SHISA9: variants seen among roughly 807,000 people sequenced by gnomAD.
SHISA9 encodes protein shisa-9.
In SHISA9, 13 loss-of-function variants were observed where a neutral mutation model predicts 38.0. That is an observed-to-expected ratio of 0.34 (90% CI 0.22 to 0.54). The LOEUF (loss-of-function observed/expected upper bound fraction) is 0.54. SHISA9 is among the 20% of genes least tolerant of loss of function. The pLI, the probability that SHISA9 is intolerant of heterozygous loss-of-function variation, is 0.91. For missense variants in SHISA9, 538 were observed against 575.8 expected (o/e 0.93, Z 0.67); for synonymous variants, 275 against 242.0 (o/e 1.14, Z -1.27).
the SHISA9 span, among the ~76,000 whole-genome samples, chr16:13,281,659 A>G: frequency 1.3e-5 from 2 of 148,592 alleles, no homozygotes; most frequent in East Asian, 4.0e-4. Flanking sequence ...TTTTTCTAAG[A>G]TTTTCAGTGA....
chr16:13,175,352 G>T (rs1223182750), intron 2 of SHISA9, among the ~76,000 whole-genome samples: 7 of 152,200 alleles, frequency 4.6e-5, no homozygotes, highest in Admixed American at 2.0e-4. Flanking sequence ...GCAACAGAAT[G>T]AGACTCCCTC....
At chr16:13,161,272 G>A (rs1455323909) in intron 2 of SHISA9, among the ~76,000 whole-genome samples, 2 of 152,176 alleles carry the variant, frequency 1.3e-5, no homozygotes, top group South Asian at 2.1e-4. Flanking sequence ...TTGATGGGTC[G>A]CTCTGTGGTG....
the SHISA9 span, among the ~76,000 whole-genome samples, chr16:13,286,660 T>C: frequency 6.6e-6 from 1 of 152,188 alleles, no homozygotes; most frequent in East Asian, 1.9e-4. Context: ...TGTTTGTTTA[T>C]CACTAGAGGA....
the SHISA9 span, among the ~76,000 whole-genome samples, chr16:13,538,805 C>T: frequency 2.0e-5 from 3 of 152,164 alleles, no homozygotes; most frequent in East Asian, 5.8e-4. Context: ...GGCATCAATT[C>T]TCTCCCCTTG....
chr16:13,276,464 T>C, the SHISA9 span, among the ~76,000 whole-genome samples: 1 of 152,150 alleles, frequency 6.6e-6, no homozygotes, highest in Non-Finnish European at 1.5e-5. Flanking sequence ...ATGGTAATTC[T>C]ACTTTCAGTT....
At chr16:13,232,148 A>G (rs2051337418) in intron 4 of SHISA9, among the ~76,000 whole-genome samples, 1 of 152,212 alleles carries the variant, frequency 6.6e-6, no homozygotes, top group Non-Finnish European at 1.5e-5. Context: ...CCTTTATGTA[A>G]GTTCACATGT....
At chr16:13,032,443 C>G (rs2073003139) in intron 2 of SHISA9, among the ~76,000 whole-genome samples, 1 of 152,150 alleles carries the variant, frequency 6.6e-6, no homozygotes, top group Non-Finnish European at 1.5e-5. Flanking sequence ...CAACTTTCAA[C>G]ATTTTTATGT....
At chr16:13,094,461 T>TAA (rs138180155) in intron 2 of SHISA9, among the ~76,000 whole-genome samples, 8 of 149,922 alleles carry the variant, frequency 5.3e-5, no homozygotes, top group Admixed American at 4.6e-4. Context: ...TAGGCAAAAA[T>TAA]AAAAAAAAAA....
the SHISA9 span, among the ~76,000 whole-genome samples, chr16:13,430,876 G>A: frequency 6.0e-5 from 9 of 149,696 alleles, no homozygotes; most frequent in South Asian, 1.9e-3. Flanking sequence ...CTATTATTGT[G>A]TCACTGCACT....
At chr16:13,290,745 C>G in the SHISA9 span, among the ~76,000 whole-genome samples, 3 of 152,122 alleles carry the variant, frequency 2.0e-5, no homozygotes, top group African/African-American at 7.2e-5. Context: ...CTTGGGAAGG[C>G]ATGAGCTAGA....
intron 2 of SHISA9, among the ~76,000 whole-genome samples, chr16:12,965,193 C>A (rs146100777): frequency 6.6e-6 from 1 of 152,016 alleles, no homozygotes; most frequent in Admixed American, 6.6e-5. Flanking sequence ...AATATTACAG[C>A]CCTATTTGAA....
At chr16:13,526,580 T>C in the SHISA9 span, among the ~76,000 whole-genome samples, 1 of 152,074 alleles carries the variant, frequency 6.6e-6, no homozygotes, top group Non-Finnish European at 1.5e-5. Context: ...GAGACGGGGC[T>C]TCACCATGTT....
At chr16:12,968,372 G>A (rs1384790522) in intron 2 of SHISA9, among the ~76,000 whole-genome samples, 1 of 151,996 alleles carries the variant, frequency 6.6e-6, no homozygotes, top group Non-Finnish European at 1.5e-5. Flanking sequence ...CCATTATAAG[G>A]TGGGTGAATA....
the SHISA9 span, among the ~76,000 whole-genome samples, chr16:13,506,079 G>A: frequency 6.6e-6 from 1 of 152,128 alleles, no homozygotes; most frequent in African/African-American, 2.4e-5. Context: ...GATTTCTAAA[G>A]AATTAGCTAA....
At chr16:13,373,150 C>A in the SHISA9 span, among the ~76,000 whole-genome samples, 3 of 152,110 alleles carry the variant, frequency 2.0e-5, no homozygotes, top group Non-Finnish European at 2.9e-5. Flanking sequence ...TTATTAGTTG[C>A]TCCCCTGACT....
intron 2 of SHISA9, among the ~76,000 whole-genome samples, chr16:12,968,226 A>AT (rs2072007334): frequency 7.1e-6 from 1 of 141,424 alleles, no homozygotes; most frequent in South Asian, 2.2e-4. Context: ...AAAAAAAAAA[A>AT]TCCAGAGCTC....
At chr16:13,458,628 C>T in the SHISA9 span, 6 of 369,256 alleles carry the variant, frequency 1.6e-5, no homozygotes, top group African/African-American at 4.4e-5. Flanking sequence ...AAAGATACAA[C>T]ACTATTATGC....
chr16:13,196,023 G>A (rs567575778), intron 2 of SHISA9, among the ~76,000 whole-genome samples: 1 of 147,076 alleles, frequency 6.8e-6, no homozygotes, highest in African/African-American at 2.5e-5. Context: ...GGGAGGCAGA[G>A]GCTGCAGCGA....
At chr16:13,426,591 A>G in the SHISA9 span, among the ~76,000 whole-genome samples, 2 of 152,276 alleles carry the variant, frequency 1.3e-5, no homozygotes, top group South Asian at 4.2e-4. Flanking sequence ...AAGTACTTCT[A>G]TTGATCGTTC....
Sources: gnomAD v4.1 joint callset for allele counts (sites outside exome capture counted in the v4.1 genomes callset) on GRCh38, gnomAD v4.1.1 for gene constraint, MANE v1.5 for transcripts, NCBI Gene and HGNC (gene_info 2026-07-23, HGNC 2026-07-21) for gene names.